SLC24A3: variants seen among roughly 807,000 people sequenced by gnomAD.
SLC24A3 encodes sodium/potassium/calcium exchanger 3.
SLC24A3 carries 28 observed loss-of-function variants against 75.8 expected under a neutral mutation model. The observed-to-expected ratio is 0.37, with a 90% CI of 0.27 to 0.51. SLC24A3 has a LOEUF of 0.51. SLC24A3 is among the 20% of genes least tolerant of loss of function. SLC24A3 has a pLI of 0.94. For missense variants in SLC24A3, 663 were observed against 847.8 expected (o/e 0.78, Z 2.71); for synonymous variants, 372 against 334.1 (o/e 1.11, Z -1.24).
intron 1 of SLC24A3, among the ~76,000 whole-genome samples, chr20:19,222,465 A>C (rs1402084815): frequency 1.3e-5 from 2 of 152,140 alleles, no homozygotes; most frequent in African/African-American, 4.8e-5. Flanking sequence ...GCAATGCTTC[A>C]TATCTCAAGT....
chr20:19,272,442 G>T (rs1205340848), intron 1 of SLC24A3, among the ~76,000 whole-genome samples: 2 of 152,242 alleles, frequency 1.3e-5, no homozygotes, highest in Non-Finnish European at 2.9e-5. Context: ...CTGCAGAATT[G>T]CTGGGCACAT....
At chr20:19,668,104 C>T (rs1446053999) in intron 8 of SLC24A3, among the ~76,000 whole-genome samples, 1 of 152,168 alleles carries the variant, frequency 6.6e-6, no homozygotes, top group East Asian at 1.9e-4. Context: ...CTTGGTGGCA[C>T]CAGAACTACA....
At chr20:19,652,980 AG>A (rs1382860205) in intron 6 of SLC24A3, among the ~76,000 whole-genome samples, 5 of 152,200 alleles carry the variant, frequency 3.3e-5, no homozygotes, top group Non-Finnish European at 7.3e-5. Context: ...CCTCTAGGGA[AG>A]GGAAAGGGAC....
chr20:19,563,755 G>A (rs2030914718), intron 3 of SLC24A3, among the ~76,000 whole-genome samples: 1 of 152,154 alleles, frequency 6.6e-6, no homozygotes, highest in Admixed American at 6.5e-5. Context: ...ACAAGAAAGT[G>A]ACAGAAAGGC....
intron 7 of SLC24A3, among the ~76,000 whole-genome samples, chr20:19,661,946 A>T (rs1488007595): frequency 2.0e-5 from 3 of 152,190 alleles, no homozygotes; most frequent in African/African-American, 7.2e-5. Context: ...TCTGGAGCAG[A>T]CACCAGGAAT....
chr20:19,295,990 GC>G (rs1984050933), intron 2 of SLC24A3, among the ~76,000 whole-genome samples: 1 of 151,950 alleles, frequency 6.6e-6, no homozygotes, highest in African/African-American at 2.4e-5. Flanking sequence ...CTGGTCCTGG[GC>G]TTTTTTTGGT....
intron 3 of SLC24A3, among the ~76,000 whole-genome samples, chr20:19,523,520 A>T (rs1317302998): frequency 6.6e-6 from 1 of 152,178 alleles, no homozygotes; most frequent in Non-Finnish European, 1.5e-5. Flanking sequence ...TGATCATGAG[A>T]CTTAATTCAG....
chr20:19,359,865 G>A (rs566906562), intron 2 of SLC24A3, among the ~76,000 whole-genome samples: 10 of 152,224 alleles, frequency 6.6e-5, no homozygotes, highest in African/African-American at 2.2e-4. Context: ...GCTCAGTTTC[G>A]ATGACTACCC....
intron 2 of SLC24A3, among the ~76,000 whole-genome samples, chr20:19,464,743 GA>G (rs976087869): frequency 6.6e-6 from 1 of 152,112 alleles, no homozygotes; most frequent in African/African-American, 2.4e-5. Context: ...GAGGTCAAGA[GA>G]AAAAAAGGAG....
chr20:19,326,362 T>C (rs1418456713), intron 2 of SLC24A3, among the ~76,000 whole-genome samples: 1 of 151,996 alleles, frequency 6.6e-6, no homozygotes, highest in Non-Finnish European at 1.5e-5. Flanking sequence ...ATGGGGACTA[T>C]GGGCTGGGAG....
chr20:19,418,104 CT>C (rs2122431243), intron 2 of SLC24A3, among the ~76,000 whole-genome samples: 1 of 152,282 alleles, frequency 6.6e-6, no homozygotes, highest in East Asian at 1.9e-4. Context: ...ATTTTAGCTC[CT>C]CACTCAAATA....
Position 19,654,053 on chromosome 20 carries a change from G to A in SLC24A3, c.613-9G>A, listed in dbSNP as rs769820446. The A allele has an allele frequency of 6.2e-7, 1 of 1,609,814 alleles. No homozygotes were observed. Among genetic ancestry groups the A allele is most frequent in the Non-Finnish European group, 8.5e-7 (1 of 1,176,206 alleles). ...TATCCTGTTTGACTTTGTTTCCCTTGTCCTGCAGGTTGTGGCTCTTTCCTC... is the reference window on the plus strand; with the variant it reads ...TATCCTGTTTGACTTTGTTTCCCTTATCCTGCAGGTTGTGGCTCTTTCCTC... On this transcript the variant is annotated splice_polypyrimidine_tract_variant and intron_variant, in intron 6 of 16. Transcript: ENST00000328041.
intron 15 of SLC24A3, among the ~76,000 whole-genome samples, chr20:19,705,080 A>G (rs1161562249): frequency 6.6e-6 from 1 of 152,180 alleles, no homozygotes; most frequent in African/African-American, 2.4e-5. Flanking sequence ...TCCATCCCTG[A>G]GTTTGAATCT....
At chr20:19,665,253 G>A (rs1399944327) in intron 7 of SLC24A3, among the ~76,000 whole-genome samples, 1 of 152,174 alleles carries the variant, frequency 6.6e-6, no homozygotes, top group African/African-American at 2.4e-5. Context: ...GATGGGATTT[G>A]CAAACACCAT....
At chr20:19,473,718 T>C (rs1032568717) in intron 2 of SLC24A3, among the ~76,000 whole-genome samples, 1 of 152,142 alleles carries the variant, frequency 6.6e-6, no homozygotes, top group Non-Finnish European at 1.5e-5. Context: ...TCAGGGACAA[T>C]GCTGTCCACA....
Position 19,212,900 on chromosome 20 carries a change from AG to A in SLC24A3, c.61del (p.Asp21ThrfsTer4). ...TCGCCGCCGCCGCCGCCGCCGCCGGAGGGACCTTCTGCTGAGCCAGCTCTGC... is the reference window on the plus strand; with the variant it reads ...TCGCCGCCGCCGCCGCCGCCGCCGGAGGACCTTCTGCTGAGCCAGCTCTGC... ...ARRRRRRRRRRDLLLSQLCFL... is the reference protein window; with the variant it reads ...ARRRRRRRRRXDLLLSQLCFL... On this transcript the variant is annotated frameshift_variant, in exon 1 of 17. Transcript: ENST00000328041. LOFTEE classifies it high-confidence loss of function. The A allele has an allele frequency of 7.5e-7, 1 of 1,328,794 alleles. No homozygotes were observed. Among genetic ancestry groups the A allele is most frequent in the Non-Finnish European group, 9.7e-7 (1 of 1,035,160 alleles). 82.3% of individuals were successfully genotyped at this position (1,328,794 alleles called of 1,614,324 possible).
intron 15 of SLC24A3, among the ~76,000 whole-genome samples, chr20:19,710,347 G>C (rs1321269494): frequency 6.6e-6 from 1 of 152,108 alleles, no homozygotes; most frequent in Non-Finnish European, 1.5e-5. Context: ...CATGAAACTT[G>C]GTATGAATGA....
chr20:19,364,168 A>C (rs1036962952), intron 2 of SLC24A3, among the ~76,000 whole-genome samples: 1 of 152,102 alleles, frequency 6.6e-6, no homozygotes, highest in African/African-American at 2.4e-5. Context: ...TGTTTGGAGA[A>C]GTTCAGTTAC....
At chr20:19,528,364 T>C (rs1300178298) in intron 3 of SLC24A3, among the ~76,000 whole-genome samples, 1 of 152,142 alleles carries the variant, frequency 6.6e-6, no homozygotes, top group Non-Finnish European at 1.5e-5. Flanking sequence ...TCCCATCTCT[T>C]TACCTTCCCA....
Sources: gnomAD v4.1 joint callset for allele counts (sites outside exome capture counted in the v4.1 genomes callset) on GRCh38, gnomAD v4.1.1 for gene constraint, MANE v1.5 for transcripts, NCBI Gene and HGNC (gene_info 2026-07-23, HGNC 2026-07-21) for gene names.